Variants in PDE7B observed in about 807,000 individuals in gnomAD.
The protein encoded by PDE7B is phosphodiesterase 7B.
Under a neutral mutation model 56.2 loss-of-function variants are expected in PDE7B, and 29 were observed. The ratio of observed to expected loss-of-function variants is 0.52; its 90% CI spans 0.38 to 0.70. The LOEUF is 0.70. Ranked by LOEUF, PDE7B falls within the 30% of genes least tolerant of loss-of-function variation. The pLI, the probability that PDE7B is intolerant of heterozygous loss-of-function variation, is 0.00. For missense variants in PDE7B, 490 were observed against 565.0 expected, an observed-to-expected ratio of 0.87 and a Z score of 1.35; for synonymous variants, 197 against 196.9, an observed-to-expected ratio of 1.00 and a Z score of 0.00.
chr6:136,155,590 A>G (rs1385866950), intron 7 of PDE7B, 37 bp from the exon 8 acceptor site: 2 of 1,572,168 alleles, frequency 1.3e-6, no homozygotes, highest in Admixed American at 3.5e-5. Flanking sequence ...ATTTGTGAAA[A>G]TACACCAATC....
At chr6:136,097,905 G>T (rs1489182735) in intron 2 of PDE7B, 5 of 152,134 alleles carry the variant, frequency 3.3e-5, no homozygotes, top group African/African-American at 1.2e-4. Context: ...TGCACTCAGG[G>T]TGACCATGCA....
intron 1 of PDE7B, among the ~76,000 whole-genome samples, chr6:135,855,396 A>G (rs12333194): frequency 6.6e-6 from 1 of 152,192 alleles, no homozygotes; most frequent in Admixed American, 6.5e-5. Context: ...AAGAAATGAA[A>G]AAACAAAAGG....
intron 2 of PDE7B, among the ~76,000 whole-genome samples, chr6:136,076,049 T>G (rs1222505150): frequency 6.6e-6 from 1 of 151,384 alleles, no homozygotes; most frequent in African/African-American, 2.4e-5. Context: ...GAATAAAGAG[T>G]GGAAAAGGAA....
intron 2 of PDE7B, among the ~76,000 whole-genome samples, chr6:136,005,880 A>T (rs181787059): frequency 6.6e-6 from 1 of 152,280 alleles, no homozygotes; most frequent in Non-Finnish European, 1.5e-5. Context: ...ACTATAAATC[A>T]TACTGCTATA....
chr6:135,881,754 C>T (rs1436459139), intron 1 of PDE7B, among the ~76,000 whole-genome samples: 1 of 152,190 alleles, frequency 6.6e-6, no homozygotes, highest in East Asian at 1.9e-4. Context: ...TATTTCCTCT[C>T]TTTCTCTACA....
At chr6:135,917,248 T>G (rs1050887872) in intron 1 of PDE7B, among the ~76,000 whole-genome samples, 15 of 152,230 alleles carry the variant, frequency 9.9e-5, no homozygotes, top group South Asian at 8.3e-4. Flanking sequence ...TAAAATTAAT[T>G]TGTAGATTTT....
At chr6:136,048,109 C>CAGACAGACAGATAGATAGATAGAT (rs747314841) in intron 2 of PDE7B, among the ~76,000 whole-genome samples, 1 of 131,976 alleles carries the variant, frequency 7.6e-6, no homozygotes, top group African/African-American at 2.6e-5. Flanking sequence ...GACAGACAGA[C>CAGACAGACAGATAGATAGATAGAT]AGATAGATAG....
chr6:136,114,039 C>T (rs2128442621), intron 3 of PDE7B, among the ~76,000 whole-genome samples: 1 of 152,302 alleles, frequency 6.6e-6, no homozygotes, highest in South Asian at 2.1e-4. Flanking sequence ...TTTTAGGGCA[C>T]CAAGTATCCA....
chr6:135,942,565 G>A (rs1774523559), intron 1 of PDE7B, among the ~76,000 whole-genome samples: 1 of 152,042 alleles, frequency 6.6e-6, no homozygotes, highest in Admixed American at 6.6e-5. Flanking sequence ...TAGTTGCCGT[G>A]TTGTACAATA....
chr6:135,927,171 T>G (rs1262782234), intron 1 of PDE7B, among the ~76,000 whole-genome samples: 1 of 152,210 alleles, frequency 6.6e-6, no homozygotes, highest in African/African-American at 2.4e-5. Flanking sequence ...AACCTTATTT[T>G]TATGCTCCCT....
intron 2 of PDE7B, among the ~76,000 whole-genome samples, chr6:136,008,423 T>C: frequency 6.6e-6 from 1 of 152,214 alleles, no homozygotes; most frequent in Non-Finnish European, 1.5e-5. Flanking sequence ...ACGTCCACAA[T>C]GGTTGAACTA....
chr6:135,888,102 A>G (rs1775740999), intron 1 of PDE7B, among the ~76,000 whole-genome samples: 1 of 152,122 alleles, frequency 6.6e-6, no homozygotes, highest in African/African-American at 2.4e-5. Context: ...GAACTACTGC[A>G]TTGAGTGCTT....
At chr6:136,189,212 C>G (rs566811909) in intron 12 of PDE7B, among the ~76,000 whole-genome samples, 2 of 152,258 alleles carry the variant, frequency 1.3e-5, no homozygotes, top group South Asian at 4.1e-4. Flanking sequence ...GGAACTAGGG[C>G]TTAATATCTC....
intron 2 of PDE7B, among the ~76,000 whole-genome samples, chr6:136,046,959 C>T (rs974370498): frequency 1.3e-5 from 2 of 152,076 alleles, no homozygotes; most frequent in Admixed American, 6.5e-5. Flanking sequence ...TGATCTTCCA[C>T]GTATGCCTCT....
At chr6:136,004,412 T>A (rs896486646) in intron 2 of PDE7B, among the ~76,000 whole-genome samples, 1 of 152,116 alleles carries the variant, frequency 6.6e-6, no homozygotes, top group Admixed American at 6.6e-5. Context: ...GAAGTCAAAT[T>A]GTCCCTGTTT....
intron 11 of PDE7B, among the ~76,000 whole-genome samples, chr6:136,184,285 T>C (rs774175229): frequency 4.6e-5 from 7 of 152,126 alleles, no homozygotes; most frequent in Non-Finnish European, 1.0e-4. Flanking sequence ...ACGTGTTGAA[T>C]AAGTGAATGA....
intron 2 of PDE7B, among the ~76,000 whole-genome samples, chr6:136,007,281 C>A (rs980435187): frequency 1.3e-5 from 2 of 152,204 alleles, no homozygotes; most frequent in East Asian, 1.9e-4. Context: ...GATGGATTAG[C>A]CTTTTGATGT....
chr6:136,138,329 A>G (rs187581601), intron 3 of PDE7B, among the ~76,000 whole-genome samples: 248 of 152,258 alleles, frequency 1.6e-3, no homozygotes, highest in African/African-American at 5.8e-3. Flanking sequence ...TGATTAACAC[A>G]TTTAAATACT....
chr6:136,053,623 G>A (rs1193019200), intron 2 of PDE7B, among the ~76,000 whole-genome samples: 2 of 152,140 alleles, frequency 1.3e-5, no homozygotes, highest in Non-Finnish European at 2.9e-5. Context: ...AGATCCCTGA[G>A]GAATCACCAC....
Sources: allele counts gnomAD v4.1 joint callset (sites outside exome capture counted in the v4.1 genomes callset), GRCh38; gene constraint gnomAD v4.1.1; transcripts MANE v1.5; gene names NCBI Gene and HGNC (gene_info 2026-07-23, HGNC 2026-07-21).